The following VPS26A variants were observed in gnomAD, a reference collection of about 807,000 sequenced individuals.
VPS26A encodes the protein vacuolar protein sorting-associated protein 26A.
Under a neutral mutation model 42.4 loss-of-function variants are expected in VPS26A, and 22 were observed. The observed-to-expected ratio is 0.52, with a 90% CI of 0.37 to 0.74. The LOEUF is 0.74. Among genes scored for constraint, VPS26A ranks in the 30% least tolerant of loss-of-function variants. The probability of loss-of-function intolerance (pLI) is 0.00; values close to 1 mark genes in which losing one functional copy is unlikely to be tolerated. For missense variants in VPS26A, 276 were observed against 379.2 expected (o/e 0.73, Z 2.26); for synonymous variants, 110 against 123.5 (o/e 0.89, Z 0.73).
Position 69,171,207 on chromosome 10 carries a change from A to G in VPS26A, c.922A>G (p.Asn308Asp), listed in dbSNP as rs61750775. ...TGAAAAACTGAGGAAACAGAGAACA[A>G]ACTTTCACCAGCGATTTGAATCTCC... ...APEKLRKQRT[N>D]FHQRFESPES... The change falls in exon 9 of 9, where the codon AAC becomes GAC. Residue 308 changes from asparagine (N) to aspartate (D), a missense_variant. By Grantham distance (23) the Asn-to-Asp change is conservative. Coordinates refer to ENST00000263559, the MANE Select transcript of VPS26A (RefSeq NM_004896.5). The G allele has an allele frequency of 1.0e-3, 1,647 of 1,613,910 alleles. 4 individuals are homozygous for G. Among genetic ancestry groups the G allele is most frequent in the Admixed American group, 1.5e-3 (92 of 59,978 alleles).
intron 2 of VPS26A, among the ~76,000 whole-genome samples, chr10:69,146,487 T>C (rs1204769465): frequency 2.6e-5 from 4 of 152,238 alleles, no homozygotes. Context: ...ATTAATTCCA[T>C]TGATAATGTT....
At chr10:69,148,319 C>A (rs529805751) in intron 2 of VPS26A, among the ~76,000 whole-genome samples, 1 of 152,206 alleles carries the variant, frequency 6.6e-6, no homozygotes, top group South Asian at 2.1e-4. Flanking sequence ...TATTGACAAG[C>A]CACTTAGAGT....
chr10:69,162,591 T>A, intron 6 of VPS26A, 79 bp downstream of exon 6: 1 of 884,456 alleles, frequency 1.1e-6, no homozygotes, highest in Non-Finnish European at 1.7e-6. Flanking sequence ...TGTTTAAACA[T>A]AATTTGATAT....
chr10:69,154,243 C>G (rs1467293779), intron 2 of VPS26A, among the ~76,000 whole-genome samples: 1 of 152,172 alleles, frequency 6.6e-6, no homozygotes, highest in East Asian at 1.9e-4. Context: ...CAATAGAATT[C>G]TTTGTAGATC....
At chr10:69,153,207 G>A (rs573602042) in intron 2 of VPS26A, among the ~76,000 whole-genome samples, 6 of 151,792 alleles carry the variant, frequency 4.0e-5, no homozygotes, top group South Asian at 2.1e-4. Context: ...GTGCCACCAC[G>A]TCCAGCTAAT....
At chr10:69,159,344 G>A (rs1841500776) in intron 5 of VPS26A, among the ~76,000 whole-genome samples, 1 of 151,026 alleles carries the variant, frequency 6.6e-6, no homozygotes, top group African/African-American at 2.4e-5. Context: ...TCACGCCACT[G>A]CAGTCCAGCC....
At chr10:69,170,275 G>T (rs1301941110) in intron 8 of VPS26A, 1 of 152,136 alleles carries the variant, frequency 6.6e-6, no homozygotes, top group Non-Finnish European at 1.5e-5. Context: ...CCATCCTAAT[G>T]TTGTATAATT....
rs11552063 is a variant in VPS26A at position 69,172,435 on chromosome 10, A to G, written c.*1166A>G. 3 of 152,494 alleles carry G rather than the reference A, an allele frequency of 2.0e-5. No individual in the cohort carries two copies. The highest frequency in any genetic ancestry group is 7.2e-5 in the African/African-American group (3 of 41,474). The allele number at this position is 152,494 out of a possible 1,614,324, so 9.4% of individuals were successfully genotyped here. On this transcript the variant is annotated 3_prime_UTR_variant, in exon 9 of 9. Coordinates refer to ENST00000263559, the MANE Select transcript of VPS26A (RefSeq NM_004896.5). ...TAGGAACCAAAATGAAACCTGCTGT[A>G]TGGAAACTACTTTCACTTATGGTTC... is the stretch of plus-strand genomic sequence containing the variant.
At chr10:69,153,281 C>T (rs1841361495) in intron 2 of VPS26A, among the ~76,000 whole-genome samples, 1 of 152,008 alleles carries the variant, frequency 6.6e-6, no homozygotes, top group Non-Finnish European at 1.5e-5. Flanking sequence ...AACTCCTCAT[C>T]TCAAGTAATC....
chr10:69,145,412 A>G (rs1841135605), intron 2 of VPS26A, among the ~76,000 whole-genome samples: 3 of 152,178 alleles, frequency 2.0e-5, no homozygotes, highest in Admixed American at 6.6e-5. Context: ...TGGTGGTAAC[A>G]TAGGAGTCAA....
chr10:69,129,139 A>G (rs900534567), intron 1 of VPS26A, among the ~76,000 whole-genome samples: 1 of 152,050 alleles, frequency 6.6e-6, no homozygotes, highest in Non-Finnish European at 1.5e-5. Flanking sequence ...TTATCCTTCA[A>G]TATAACTGAT....
chr10:69,165,271 T>G (rs1246769538), intron 6 of VPS26A, among the ~76,000 whole-genome samples: 2 of 152,122 alleles, frequency 1.3e-5, no homozygotes, highest in South Asian at 2.1e-4. Flanking sequence ...GGCAACACTT[T>G]ATAAGAATTT....
intron 1 of VPS26A, among the ~76,000 whole-genome samples, chr10:69,132,022 A>T (rs529544884): frequency 1.3e-5 from 2 of 152,272 alleles, no homozygotes; most frequent in African/African-American, 4.8e-5. Context: ...ATTCACAGAA[A>T]TTTTATTTTC....
At position 69,172,733 on chromosome 10, in the gene VPS26A, C is replaced by T. The variant is rs1841844933; in HGVS notation, c.*1464C>T. 6.6e-6 allele frequency: 1 copy of T among 152,606 alleles called. No individual in the cohort carries two copies. Among genetic ancestry groups the T allele is most frequent in the African/African-American group, 2.4e-5 (1 of 41,454 alleles). The allele number at this position is 152,606 out of a possible 1,614,324, so 9.5% of individuals were successfully genotyped here. ...TTCAGAGTTTCAGAATTTTAAAATGCCAAATATTTTCATGGTCATTTGCAT... is the reference window on the plus strand; with the variant it reads ...TTCAGAGTTTCAGAATTTTAAAATGTCAAATATTTTCATGGTCATTTGCAT... On this transcript the variant is annotated 3_prime_UTR_variant, in exon 9 of 9. Transcript: ENST00000263559.
In VPS26A at chr10:69,124,268, G is replaced by C. The variant is rs1840596225; in HGVS notation, c.-10G>C. ...AGTGGAGTAGGGGGGACGCGGCGGC[G>C]GCGTTGACAATGGTGAGTGCGCGGC... On this transcript the variant is annotated 5_prime_UTR_variant, in exon 1 of 9. Transcript: ENST00000263559. 7.0e-6 allele frequency: 9 copies of C among 1,280,230 alleles called. No homozygotes were observed. The highest frequency in any genetic ancestry group is 8.9e-6 in the Non-Finnish European group (9 of 1,008,074). 79.3% of individuals were successfully genotyped at this position (1,280,230 alleles called of 1,614,324 possible).
intron 1 of VPS26A, among the ~76,000 whole-genome samples, chr10:69,127,732 T>C (rs989367873): frequency 1.4e-5 from 2 of 141,750 alleles, no homozygotes; most frequent in African/African-American, 5.3e-5. Context: ...AATATCTTTT[T>C]TTTTTTTTTT....
chr10:69,151,413 A>G (rs372743056), intron 2 of VPS26A, among the ~76,000 whole-genome samples: 25 of 147,480 alleles, frequency 1.7e-4, no homozygotes, highest in African/African-American at 5.4e-4. Context: ...GACCACACCA[A>G]TGCATTCCAG....
At chr10:69,131,316 A>G (rs1230070956) in intron 1 of VPS26A, among the ~76,000 whole-genome samples, 1 of 152,236 alleles carries the variant, frequency 6.6e-6, no homozygotes, top group Non-Finnish European at 1.5e-5. Flanking sequence ...AGCCAGGTGC[A>G]GTGGCTCACG....
chr10:69,157,373 G>A (rs746802049), intron 4 of VPS26A, among the ~76,000 whole-genome samples: 11 of 152,164 alleles, frequency 7.2e-5, no homozygotes, highest in Non-Finnish European at 1.3e-4. Flanking sequence ...AGACATTTCA[G>A]TTATACACTT....
Sources: allele counts gnomAD v4.1 joint callset (sites outside exome capture counted in the v4.1 genomes callset), GRCh38; gene constraint gnomAD v4.1.1; transcripts MANE v1.5; gene names NCBI Gene and HGNC (gene_info 2026-07-23, HGNC 2026-07-21).